Variants in RALGPS2 observed in about 807,000 individuals in gnomAD.
RALGPS2 encodes Ral GEF with PH domain and SH3 binding motif 2.
RALGPS2 carries 43 observed loss-of-function variants against 86.8 expected under a neutral mutation model. The ratio of observed to expected loss-of-function variants is 0.50; its 90% CI spans 0.39 to 0.64. RALGPS2 has a LOEUF of 0.64. Ranked by LOEUF, RALGPS2 falls within the 30% of genes least tolerant of loss-of-function variation. RALGPS2 has a pLI of 0.00. For synonymous variants in RALGPS2, 243 were observed against 231.3 expected (o/e 1.05, Z -0.46); for missense variants, 536 against 694.6 (o/e 0.77, Z 2.57).
chr1:178,828,011 C>T (rs1655834338), intron 7 of RALGPS2, among the ~76,000 whole-genome samples: 1 of 152,150 alleles, frequency 6.6e-6, no homozygotes, highest in Non-Finnish European at 1.5e-5. Context: ...TGTAAAACTA[C>T]TAGAAGAAAA....
In RALGPS2 at chr1:178,751,088, G is replaced by A. The variant is rs569462992; in HGVS notation, c.-83-25594G>A. Among the ~76,000 whole-genome samples, 7 of 151,974 alleles carry A rather than the reference G, an allele frequency of 4.6e-5. No homozygotes were observed. The South Asian group carries it at 1.5e-3, about 32-fold the overall frequency. On this transcript the variant is annotated intron_variant, in intron 1 of 19. Coordinates refer to ENST00000367635, the MANE Select transcript of RALGPS2 (RefSeq NM_152663.5). ...TTGTAAGTGCTTCTTGAGCTGGCTA[G>A]AGTCTTTGTAATTTATCTTCCATGT...
At position 178,856,394 on chromosome 1, in the gene RALGPS2, A is replaced by ATTTTTTTTTTTTTTTTT. The variant is rs71108081; in HGVS notation, c.608-21088_608-21072dup. Among the ~76,000 whole-genome samples the ATTTTTTTTTTTTTTTTT allele has an allele frequency of 1.6e-3, 57 of 36,430 alleles. 12 individuals are homozygous for ATTTTTTTTTTTTTTTTT. Among genetic ancestry groups the ATTTTTTTTTTTTTTTTT allele is most frequent in the African/African-American group, 6.7e-3 (46 of 6,866 alleles). The allele number at this position is 36,430 out of a possible 152,430, so 23.9% of individuals were successfully genotyped here. On this transcript the variant is annotated intron_variant, in intron 8 of 19. Coordinates refer to ENST00000367635, the MANE Select transcript of RALGPS2 (RefSeq NM_152663.5). ...AGGCAAGTGCCACCCTGCCTGGCTA[A>ATTTTTTTTTTTTTTTTT]TTTTTTTTTTTTTTTTTTTTTTTTT...
At chr1:178,745,242 C>T (rs1295510834) in intron 1 of RALGPS2, among the ~76,000 whole-genome samples, 5 of 151,518 alleles carry the variant, frequency 3.3e-5, no homozygotes, top group Admixed American at 2.0e-4. Flanking sequence ...TCTTTTTTGG[C>T]GGTGGGGTGG....
rs77943119 is a variant in RALGPS2, at chr1:178,764,473, A to G, written c.-83-12209A>G. 7.1e-3 allele frequency among the ~76,000 whole-genome samples: 1,081 copies of G among 152,260 alleles called. 12 individuals are homozygous for G. Among genetic ancestry groups the G allele is most frequent in the African/African-American group, 0.025 (1,053 of 41,536 alleles). On this transcript the variant is annotated intron_variant, in intron 1 of 19. Transcript: ENST00000367635. ...ATTTAGTCCATTTACATTCAAGGTA[A>G]GTATTGCGATGTGTGGATTATTTCC...
chr1:178,729,337 CCT>C (rs1349917515), intron 1 of RALGPS2, among the ~76,000 whole-genome samples: 20 of 152,044 alleles, frequency 1.3e-4, no homozygotes, highest in Admixed American at 1.0e-3. Context: ...TATCTGCCTC[CCT>C]CTCTGATTGT....
chr1:178,820,034 C>T lies in RALGPS2; in HGVS notation c.388-1578C>T, dbSNP rs368539529. ...GTTCATATACCATCTGTGGTATGCTCATCACAATCACCTCCACCTCCTGCT... is the reference window on the plus strand; with the variant it reads ...GTTCATATACCATCTGTGGTATGCTTATCACAATCACCTCCACCTCCTGCT... On this transcript the variant is annotated intron_variant, in intron 6 of 19. Transcript: ENST00000367635. Among the ~76,000 whole-genome samples, 48 of 152,296 alleles carry T rather than the reference C, an allele frequency of 3.2e-4. No homozygotes were observed. In the East Asian group the frequency reaches 9.0e-3, roughly 29 times the overall value.
At chr1:178,851,406 G>T in intron 8 of RALGPS2, 1 of 1,194,718 alleles carries the variant, frequency 8.4e-7, no homozygotes, top group South Asian at 2.0e-5. Flanking sequence ...CCTTTAATTT[G>T]AACTTCCCTT....
Position 178,843,591 on chromosome 1 carries a change from C to T in RALGPS2, c.607+10041C>T, listed in dbSNP as rs1294283542. Among the ~76,000 whole-genome samples, 4 of 145,262 alleles carry T rather than the reference C, an allele frequency of 2.8e-5. No homozygotes were observed. The East Asian group carries it at 8.1e-4, about 30-fold the overall frequency. On this transcript the variant is annotated intron_variant, in intron 8 of 19. Transcript: ENST00000367635. ...GTGGGTGCAGTGCACCAACATGGCG[C>T]ATGTATACATATGTAACAAACCTGC...
At chr1:178,755,391 CAA>C (rs1651901033) in intron 1 of RALGPS2, among the ~76,000 whole-genome samples, 1 of 152,122 alleles carries the variant, frequency 6.6e-6, no homozygotes, top group African/African-American at 2.4e-5. Context: ...TTTGTGTCCA[CAA>C]ATACCCATTG....
At chr1:178,880,042 GTTTA>G (rs1248614945) in intron 10 of RALGPS2, among the ~76,000 whole-genome samples, 1 of 151,762 alleles carries the variant, frequency 6.6e-6, no homozygotes, top group Non-Finnish European at 1.5e-5. Flanking sequence ...TTTTTAAAAA[GTTTA>G]TTTAGCTTTA....
chr1:178,897,510 A>G (rs1178122078), intron 16 of RALGPS2, among the ~76,000 whole-genome samples, 154 bp from the exon 17 acceptor site: 1 of 152,058 alleles, frequency 6.6e-6, no homozygotes, highest in Non-Finnish European at 1.5e-5. Context: ...TGACAGGAGT[A>G]TTTGAGATTA....
At chr1:178,860,348 T>C (rs917915900) in intron 8 of RALGPS2, among the ~76,000 whole-genome samples, 3 of 152,196 alleles carry the variant, frequency 2.0e-5, no homozygotes, top group Non-Finnish European at 2.9e-5. Context: ...TTTATCTAAA[T>C]ACTATTTTTT....
intron 1 of RALGPS2, among the ~76,000 whole-genome samples, chr1:178,752,342 T>G (rs1572286762): frequency 1.4e-5 from 2 of 143,368 alleles, no homozygotes; most frequent in Admixed American, 6.8e-5. Flanking sequence ...TAGAGATTGG[T>G]GGCGGGGGGG....
chr1:178,747,753 A>G, intron 1 of RALGPS2: 2 of 1,055,582 alleles, frequency 1.9e-6, no homozygotes, highest in Admixed American at 1.8e-5. Context: ...GGTGGTGGGC[A>G]TGGCAGCAGG....
intron 8 of RALGPS2, chr1:178,865,913 G>A: frequency 1.6e-6 from 1 of 618,474 alleles, no homozygotes; most frequent in Non-Finnish European, 2.7e-6. Flanking sequence ...ATATTTATTG[G>A]TGTTAATAGA....
At chr1:178,907,515 C>T (rs1347668613) in intron 19 of RALGPS2, among the ~76,000 whole-genome samples, 2 of 152,146 alleles carry the variant, frequency 1.3e-5, no homozygotes, top group Non-Finnish European at 2.9e-5. Context: ...AATTGAAAGG[C>T]TTTCAGCTGC....
At chr1:178,761,656 G>C (rs977656402) in intron 1 of RALGPS2, among the ~76,000 whole-genome samples, 1 of 151,494 alleles carries the variant, frequency 6.6e-6, no homozygotes, top group Non-Finnish European at 1.5e-5. Context: ...CGCCTTCCAG[G>C]TTCAAGTGAT....
intron 4 of RALGPS2, among the ~76,000 whole-genome samples, chr1:178,786,853 A>G (rs958107606): frequency 3.3e-5 from 5 of 151,990 alleles, no homozygotes; most frequent in African/African-American, 9.7e-5. Flanking sequence ...TATGTCCTAC[A>G]TGATGTAGGT....
chr1:178,773,875 A>C (rs1230357524), intron 1 of RALGPS2, among the ~76,000 whole-genome samples: 1 of 152,214 alleles, frequency 6.6e-6, no homozygotes, highest in Admixed American at 6.5e-5. Flanking sequence ...ATGCTTTGCT[A>C]TATTTTAAAA....
Sources: allele counts gnomAD v4.1 joint callset (sites outside exome capture counted in the v4.1 genomes callset), GRCh38; gene constraint gnomAD v4.1.1; transcripts MANE v1.5; gene names NCBI Gene and HGNC (gene_info 2026-07-23, HGNC 2026-07-21).